The following NLRC4 variants were observed in gnomAD, a reference collection of about 807,000 sequenced individuals.
NLRC4 encodes NLR family CARD domain-containing protein 4.
A neutral mutation model predicts 79.9 loss-of-function variants in NLRC4; 63 were observed. That is an observed-to-expected ratio of 0.79 (90% CI 0.64 to 0.97). NLRC4 has a LOEUF of 0.97. Ranked by LOEUF, NLRC4 falls within the 50% of genes least tolerant of loss-of-function variation. NLRC4 has a pLI of 0.00. For missense variants in NLRC4, 1,074 were observed against 1,215.2 expected, an observed-to-expected ratio of 0.88 and a Z score of 1.73; for synonymous variants, 461 against 456.5, an observed-to-expected ratio of 1.01 and a Z score of -0.12.
chr2:32,253,041 A>G (rs1477452589), intron 2 of NLRC4, among the ~76,000 whole-genome samples: 1 of 152,052 alleles, frequency 6.6e-6, no homozygotes, highest in Non-Finnish European at 1.5e-5. Context: ...AAATATGCAT[A>G]TCAGCATCTG....
At chr2:32,233,317 T>A (rs1483717839) in intron 8 of NLRC4, among the ~76,000 whole-genome samples, 2 of 112,372 alleles carry the variant, frequency 1.8e-5, no homozygotes, top group Non-Finnish European at 3.6e-5. Context: ...TTAAGAAATT[T>A]TAAATATATA....
In NLRC4 at chr2:32,264,375, A is replaced by C. The variant is rs1026614956; in HGVS notation, c.-119+363T>G. 2.0e-5 allele frequency among the ~76,000 whole-genome samples: 3 copies of C among 148,970 alleles called. No homozygotes were observed. In the East Asian group the frequency reaches 6.0e-4, roughly 30 times the overall value. Reference sequence around the variant, plus strand: ...CTTGAACCCAGGAGGCAGAGGTTGCAGTGAGCCGAGATCACGCCACTGCAG... The same window carrying C: ...CTTGAACCCAGGAGGCAGAGGTTGCCGTGAGCCGAGATCACGCCACTGCAG... On this transcript the variant is annotated intron_variant, in intron 1 of 8. Transcript: ENST00000402280.
chr2:32,240,401 C>CAAA (rs36105309), intron 5 of NLRC4, among the ~76,000 whole-genome samples: 1 of 118,210 alleles, frequency 8.5e-6, no homozygotes, highest in East Asian at 2.7e-4. Flanking sequence ...AAAAAAGAGC[C>CAAA]AAAAAAAAAA....
chr2:32,263,474 CAT>C (rs1412481290), intron 1 of NLRC4, among the ~76,000 whole-genome samples: 17 of 152,224 alleles, frequency 1.1e-4, no homozygotes, highest in Non-Finnish European at 1.2e-4. Context: ...AGCAATCTCA[CAT>C]GTTAATATTA....
rs914552481 is a variant in NLRC4, at chr2:32,254,635, T to C, written c.2-1956A>G. On this transcript the variant is annotated intron_variant, in intron 2 of 8. Transcript: ENST00000402280. The stretch of plus-strand genomic sequence containing the variant: ...CTGGTTTTTTTTTTTTTTTTTTTTT[T>C]CAGACGAAGTTTCACTGTTGCTGCC... 5.7e-4 allele frequency among the ~76,000 whole-genome samples: 68 copies of C among 118,628 alleles called. 4 individuals are homozygous for C. The highest frequency in any genetic ancestry group is 1.9e-3 in the African/African-American group (57 of 29,762). The allele number at this position is 118,628 out of a possible 152,430, so 77.8% of individuals were successfully genotyped here.
intron 8 of NLRC4, among the ~76,000 whole-genome samples, chr2:32,230,871 T>C (rs1370409216): frequency 6.6e-6 from 1 of 152,180 alleles, no homozygotes; most frequent in African/African-American, 2.4e-5. Context: ...GCTGCATCAT[T>C]TTACATTCTA....
In NLRC4 at chr2:32,250,078, A is replaced by G. The variant is rs1338074895; in HGVS notation, c.1786T>C (p.Phe596Leu). The G allele has an allele frequency of 6.2e-7, 1 of 1,614,206 alleles. No homozygotes were observed. The highest frequency in any genetic ancestry group is 8.5e-7 in the Non-Finnish European group (1 of 1,180,004). The stretch of plus-strand genomic sequence containing the variant: ...TTGGGCAAATGTTCAAAGAAGTCAA[A>G]TAAGTAATCGGGGATGTTCCCTGAG... Reference protein sequence around the residue: ...INSGNIPDYLFDFFEHLPNCA... With the variant: ...INSGNIPDYLLDFFEHLPNCA... The change falls in exon 4 of 9, where the codon TTT (phenylalanine) becomes CTT (leucine). Residue 596 changes from phenylalanine to leucine, a missense_variant. Transcript: ENST00000402280. The surrounding 1 kb of genome is among the most constrained non-coding windows in gnomAD (Gnocchi z 4.9).
In NLRC4 at chr2:32,241,135, G is replaced by GA. The variant is rs772684012; in HGVS notation, c.2258-11dup. 1 of 1,543,948 alleles carries GA rather than the reference G, an allele frequency of 6.5e-7. No homozygotes were observed. The highest frequency in any genetic ancestry group is 1.4e-5 in the African/African-American group (1 of 72,614). On this transcript the variant is annotated splice_polypyrimidine_tract_variant and intron_variant, in intron 4 of 8. Transcript: ENST00000402280. ...CTGTCAGTCAGACCACCTGTCAAAAGAAAAAAGATTGGACTCTTTCAGCAG... is the reference window on the plus strand; with the variant it reads ...CTGTCAGTCAGACCACCTGTCAAAAGAAAAAAAGATTGGACTCTTTCAGCAG...
At chr2:32,256,436 G>A (rs1404051055) in intron 2 of NLRC4, among the ~76,000 whole-genome samples, 1 of 151,844 alleles carries the variant, frequency 6.6e-6, no homozygotes, top group Non-Finnish European at 1.5e-5. Flanking sequence ...AAAGTGGAAG[G>A]AGCTACATTT....
chr2:32,261,316 C>CCCTTTTTTTTTTTTT, intron 1 of NLRC4, among the ~76,000 whole-genome samples: 64 of 96,904 alleles, frequency 6.6e-4, no homozygotes, highest in African/African-American at 1.4e-3. Context: ...AGCCTCCCCC[C>CCCTTTTTTTTTTTTT]TTTTGTTTTT....
At chr2:32,236,631 A>G (rs1340503918) in intron 6 of NLRC4, among the ~76,000 whole-genome samples, 2 of 152,166 alleles carry the variant, frequency 1.3e-5, no homozygotes, top group African/African-American at 2.4e-5. Flanking sequence ...TCATCATGGA[A>G]AAATCACTTG....
At chr2:32,254,767 C>T (rs887416333) in intron 2 of NLRC4, among the ~76,000 whole-genome samples, 26 of 151,660 alleles carry the variant, frequency 1.7e-4, no homozygotes, top group African/African-American at 6.1e-4. Flanking sequence ...TACAGGCATG[C>T]GCCACCACAC....
In NLRC4 at chr2:32,251,012, C is replaced by T. The variant is rs748137585; in HGVS notation, c.852G>A (p.Leu284=). 3.2e-5 allele frequency: 51 copies of T among 1,614,082 alleles called. No homozygotes were observed. The highest frequency in any genetic ancestry group is 4.2e-5 in the Non-Finnish European group (50 of 1,180,048). The part of the protein sequence containing the change: ...MVIVTTTTEC[L]RHIRQFGALT... Reference sequence around the variant, plus strand: ...GGGCACCAAACTGCCGTATGTGCCTCAGGCACTCAGTGGTAGTGGTGACGA... The same window carrying T: ...GGGCACCAAACTGCCGTATGTGCCTTAGGCACTCAGTGGTAGTGGTGACGA... The change falls in exon 4 of 9, where the codon CTG becomes CTA. Residue 284 remains leucine, a synonymous_variant. Coordinates refer to ENST00000402280, the MANE Select transcript of NLRC4 (RefSeq NM_001199138.2).
At chr2:32,235,153 A>G (rs1462508900) in intron 8 of NLRC4, among the ~76,000 whole-genome samples, 1 of 152,210 alleles carries the variant, frequency 6.6e-6, no homozygotes, top group Admixed American at 6.5e-5. Context: ...AGCTATGACT[A>G]ATATAATACA....
Position 32,236,397 on chromosome 2 carries a change from T to G in NLRC4, c.2522-58A>C, listed in dbSNP as rs1686674703. Reference sequence around the variant, plus strand: ...TTTTCAGGTAAATATAAATGTATTTTGAAGTATCCTTAGAATAATTCTGAG... The same window carrying G: ...TTTTCAGGTAAATATAAATGTATTTGGAAGTATCCTTAGAATAATTCTGAG... On this transcript the variant is annotated intron_variant, in intron 6 of 8. Coordinates refer to ENST00000402280, the MANE Select transcript of NLRC4 (RefSeq NM_001199138.2). 1.3e-5 allele frequency: 13 copies of G among 1,035,646 alleles called. No homozygotes were observed. In the South Asian group the frequency reaches 1.9e-4, roughly 15 times the overall value. 64.2% of individuals were successfully genotyped at this position (1,035,646 alleles called of 1,614,324 possible).
In NLRC4 at chr2:32,259,520, C is replaced by T. The variant is rs537638972; in HGVS notation, c.-118-2627G>A. Among the ~76,000 whole-genome samples the T allele has an allele frequency of 2.6e-5, 4 of 152,054 alleles. No individual in the cohort carries two copies. In the South Asian group the frequency reaches 6.2e-4, roughly 24 times the overall value. ...TTGCATATTCAATGTAAGTTGCAGACGTTAGTACACTTCTATGTTCATATA... is the reference window on the plus strand; with the variant it reads ...TTGCATATTCAATGTAAGTTGCAGATGTTAGTACACTTCTATGTTCATATA... On this transcript the variant is annotated intron_variant, in intron 1 of 8. Coordinates refer to ENST00000402280, the MANE Select transcript of NLRC4 (RefSeq NM_001199138.2).
intron 4 of NLRC4, among the ~76,000 whole-genome samples, chr2:32,246,491 GC>G (rs1317541779): frequency 6.6e-6 from 1 of 152,228 alleles, no homozygotes; most frequent in Non-Finnish European, 1.5e-5. Flanking sequence ...GACAAGCAAG[GC>G]AGAGCTGGGT....
chr2:32,240,819 C>T (rs1189587787), intron 5 of NLRC4, among the ~76,000 whole-genome samples: 2 of 152,154 alleles, frequency 1.3e-5, no homozygotes, highest in Non-Finnish European at 2.9e-5. Flanking sequence ...GGGCTCTCTT[C>T]CCAAAAGGGT....
Position 32,240,960 on chromosome 2 carries a change from A to C in NLRC4, c.2350+73T>G. 7 of 909,314 alleles carry C rather than the reference A, an allele frequency of 7.7e-6. No homozygotes were observed. In the South Asian group the frequency reaches 9.5e-5, roughly 12 times the overall value. The allele number at this position is 909,314 out of a possible 1,614,324, so 56.3% of individuals were successfully genotyped here. On this transcript the variant is annotated intron_variant, in intron 5 of 8. Transcript: ENST00000402280. ...TCCTTGCCTTGTGCAGACACAGCCA[A>C]TGTCAGAGCCTGAAGTTAACTCCTC...
Sources: gnomAD v4.1 joint callset for allele counts (sites outside exome capture counted in the v4.1 genomes callset) on GRCh38, gnomAD v4.1.1 for gene constraint, Gnocchi (gnomAD v3.1) non-coding constraint, MANE v1.5 for transcripts, NCBI Gene and HGNC (gene_info 2026-07-23, HGNC 2026-07-21) for gene names.